LRRC28: variants seen among roughly 807,000 people sequenced by gnomAD.
LRRC28 encodes the protein leucine rich repeat containing 28, also known as leucine-rich repeat-containing protein 28.
In LRRC28, 39 loss-of-function variants were observed where a neutral mutation model predicts 45.7. The observed-to-expected ratio is 0.85, with a 90% CI of 0.66 to 1.12. The LOEUF (loss-of-function observed/expected upper bound fraction) is 1.12. LRRC28 is among the 50% of genes most tolerant of loss of function. The pLI, the probability that LRRC28 is intolerant of heterozygous loss-of-function variation, is 0.00. For synonymous variants in LRRC28, 206 were observed against 178.8 expected (o/e 1.15, Z -1.22); for missense variants, 435 against 438.5 (o/e 0.99, Z 0.07).
intron 7 of LRRC28, among the ~76,000 whole-genome samples, chr15:99,353,439 A>G (rs898028955): frequency 1.3e-5 from 2 of 152,218 alleles, no homozygotes; most frequent in African/African-American, 4.8e-5. Context: ...AAACTTATGC[A>G]GCTGTCTTGG....
intron 6 of LRRC28, among the ~76,000 whole-genome samples, chr15:99,348,430 A>G (rs530194303): frequency 1.2e-4 from 19 of 152,226 alleles, no homozygotes; most frequent in African/African-American, 3.8e-4. Flanking sequence ...TTCTTAATCA[A>G]TTTTGAGTTG....
In LRRC28 at chr15:99,387,121, CG is replaced by C. The variant is rs1958027558; in HGVS notation, c.*1022del. ...TGTCGCCCAGGCTGGAGTGCAGTGG[CG>C]GGATCTCGGCTCACTGCAAGCTCCG... On this transcript the variant is annotated 3_prime_UTR_variant, in exon 10 of 10. Transcript: ENST00000301981. 2 of 151,000 alleles carry C rather than the reference CG, an allele frequency of 1.3e-5. No individual in the cohort carries two copies. The highest frequency in any genetic ancestry group is 2.1e-4 in the South Asian group (1 of 4,716). 9.4% of individuals were successfully genotyped at this position (151,000 alleles called of 1,614,324 possible). A position where few individuals can be genotyped will look rare whatever the true frequency, so the allele number is the denominator to read the frequency against.
At chr15:99,319,331 T>A (rs1955711440) in intron 5 of LRRC28, among the ~76,000 whole-genome samples, 1 of 152,192 alleles carries the variant, frequency 6.6e-6, no homozygotes. Context: ...TCTGGGTATG[T>A]GGTCTCCATG....
intron 6 of LRRC28, among the ~76,000 whole-genome samples, chr15:99,344,554 A>G (rs1390207779): frequency 6.6e-6 from 1 of 152,244 alleles, no homozygotes; most frequent in East Asian, 1.9e-4. Flanking sequence ...GTGGGCATAT[A>G]TAAAAAACTA....
intron 2 of LRRC28, chr15:99,257,686 T>A: frequency 1.3e-6 from 1 of 759,764 alleles, no homozygotes. Flanking sequence ...TTCGGGTCGG[T>A]CAGAGCTGTT....
chr15:99,351,153 G>C (rs562955715), intron 6 of LRRC28, among the ~76,000 whole-genome samples: 1 of 152,064 alleles, frequency 6.6e-6, no homozygotes, highest in East Asian at 1.9e-4. Context: ...AGACTGCTCA[G>C]GACTCTGTTG....
At chr15:99,376,168 C>T (rs1957625048) in intron 9 of LRRC28, among the ~76,000 whole-genome samples, 1 of 152,062 alleles carries the variant, frequency 6.6e-6, no homozygotes, top group Non-Finnish European at 1.5e-5. Context: ...TTTTCATCTT[C>T]TTTCAGTTTG....
At chr15:99,347,104 T>A (rs1956708225) in intron 6 of LRRC28, among the ~76,000 whole-genome samples, 1 of 152,222 alleles carries the variant, frequency 6.6e-6, no homozygotes, top group Non-Finnish European at 1.5e-5. Context: ...TGTTGTACAT[T>A]AGATCTCTGA....
At chr15:99,302,360 T>C (rs750604883) in intron 5 of LRRC28, among the ~76,000 whole-genome samples, 2 of 151,858 alleles carry the variant, frequency 1.3e-5, no homozygotes, top group Non-Finnish European at 2.9e-5. Flanking sequence ...TGATTTTCTT[T>C]GTGTGGGTGT....
intron 6 of LRRC28, among the ~76,000 whole-genome samples, chr15:99,348,641 T>G (rs1354250681): frequency 1.3e-5 from 2 of 152,176 alleles, no homozygotes; most frequent in African/African-American, 2.4e-5. Flanking sequence ...ATCATAGTGT[T>G]TTTGTTACCA....
rs1958071052 is a variant in LRRC28 at position 99,387,791 on chromosome 15, T to TA, written c.*1690dup. The TA allele has an allele frequency of 6.6e-6, 1 of 152,186 alleles. No individual in the cohort carries two copies. The highest frequency in any genetic ancestry group is 2.4e-5 in the African/African-American group (1 of 41,448). The allele number at this position is 152,186 out of a possible 1,614,324, so 9.4% of individuals were successfully genotyped here. A position where few individuals can be genotyped will look rare whatever the true frequency, so the allele number is the denominator to read the frequency against. On this transcript the variant is annotated 3_prime_UTR_variant, in exon 10 of 10. Transcript: ENST00000301981. The stretch of plus-strand genomic sequence containing the variant: ...AATTATTTTTTTTTAATTTCAGACT[T>TA]ATCAAAAATTTGGTTGAGGGAATTT...
At chr15:99,295,182 C>T (rs539747917) in intron 5 of LRRC28, among the ~76,000 whole-genome samples, 1 of 152,200 alleles carries the variant, frequency 6.6e-6, no homozygotes, top group Non-Finnish European at 1.5e-5. Context: ...GATTACTGAT[C>T]CGATTGCTTC....
rs201207516 is a variant in LRRC28 at position 99,361,472 on chromosome 15, A to G, written c.832A>G (p.Met278Val). The change falls in exon 8 of 10, where the codon ATG becomes GTG. Residue 278 changes from methionine to valine, a missense_variant. Coordinates refer to ENST00000301981, the MANE Select transcript of LRRC28 (RefSeq NM_144598.5). ...CGTCCTCCCTCTGCAGGAATTGGCT[A>G]TGAGAGGGCTGTATCATACCTACCA... ...DHVLPLQELAMRGLYHTYHSL... is the reference protein window; with the variant it reads ...DHVLPLQELAVRGLYHTYHSL... 9.9e-6 allele frequency: 16 copies of G among 1,613,750 alleles called. No homozygotes were observed. In the East Asian group the frequency reaches 1.6e-4, roughly 16 times the overall value.
At chr15:99,319,461 A>G (rs905703382) in intron 5 of LRRC28, among the ~76,000 whole-genome samples, 1 of 152,194 alleles carries the variant, frequency 6.6e-6, no homozygotes, top group Non-Finnish European at 1.5e-5. Context: ...AAGACAATAT[A>G]TCTGAAAAAG....
chr15:99,271,754 G>A (rs528739019), intron 2 of LRRC28, among the ~76,000 whole-genome samples: 31 of 152,120 alleles, frequency 2.0e-4, no homozygotes, highest in African/African-American at 6.0e-4. Context: ...ATGCCACCAC[G>A]CCCGGCTAAT....
rs748202165 is a variant in LRRC28, at chr15:99,387,696, T to C, written c.*1594T>C. On this transcript the variant is annotated 3_prime_UTR_variant, in exon 10 of 10. Transcript: ENST00000301981. The stretch of plus-strand genomic sequence containing the variant: ...CTGTGAAGTGATTCTTTTTTTAAAA[T>C]GTTTTTTAATGATGTAAGTTTTCTA... 1 of 152,202 alleles carries C rather than the reference T, an allele frequency of 6.6e-6. No homozygotes were observed. Among genetic ancestry groups the C allele is most frequent in the Non-Finnish European group, 1.5e-5 (1 of 68,022 alleles). The allele number at this position is 152,202 out of a possible 1,614,324, so 9.4% of individuals were successfully genotyped here. A position where few individuals can be genotyped will look rare whatever the true frequency, so the allele number is the denominator to read the frequency against.
At chr15:99,339,376 CAAG>C (rs1286384875) in intron 6 of LRRC28, among the ~76,000 whole-genome samples, 2 of 152,086 alleles carry the variant, frequency 1.3e-5, no homozygotes, top group East Asian at 3.8e-4. Context: ...TTTAAGAAAA[CAAG>C]AAAACAAAAG....
At chr15:99,278,244 CT>C (rs1247352177) in intron 3 of LRRC28, among the ~76,000 whole-genome samples, 2 of 152,056 alleles carry the variant, frequency 1.3e-5, no homozygotes, top group East Asian at 1.9e-4. Flanking sequence ...TGTCTTCTTT[CT>C]TTTTTAAAAA....
intron 5 of LRRC28, among the ~76,000 whole-genome samples, chr15:99,329,586 C>CCAATAAGA (rs1473558218): frequency 6.6e-6 from 1 of 152,128 alleles, no homozygotes; most frequent in Admixed American, 6.5e-5. Context: ...ACAATGTTAA[C>CCAATAAGA]TTTGGGTATA....
Sources: allele counts gnomAD v4.1 joint callset (sites outside exome capture counted in the v4.1 genomes callset), GRCh38; gene constraint gnomAD v4.1.1; transcripts MANE v1.5; gene names NCBI Gene and HGNC (gene_info 2026-07-23, HGNC 2026-07-21).